CCL15: variants seen among roughly 807,000 people sequenced by gnomAD.
CCL15 encodes C-C motif chemokine ligand 15.
Under a neutral mutation model 10.6 loss-of-function variants are expected in CCL15, and 8 were observed. The ratio of observed to expected loss-of-function variants is 0.75; its 90% confidence interval spans 0.44 to 1.36. The LOEUF is 1.36. Ranked by LOEUF, CCL15 falls within the 40% of genes most tolerant of loss-of-function variation. CCL15 has a pLI of 0.00. For missense variants in CCL15, 128 were observed against 136.6 expected, an observed-to-expected ratio of 0.94 and a Z score of 0.32; for synonymous variants, 51 against 48.8, an observed-to-expected ratio of 1.04 and a Z score of -0.19.
At chr17:35,998,732 C>T (rs952658690) in intron 2 of CCL15, 134 bp downstream of exon 2, 7 of 766,720 alleles carry the variant, frequency 9.1e-6, no homozygotes, top group Non-Finnish European at 1.6e-5. Context: ...CTGTCCTGAT[C>T]TCCCTTGGAG....
At chr17:35,999,055 G>A (rs1461248427) in intron 1 of CCL15, 130 bp from the exon 2 acceptor site, 6 of 743,950 alleles carry the variant, frequency 8.1e-6, no homozygotes, top group Non-Finnish European at 1.4e-5. Flanking sequence ...CCACCTGTCT[G>A]GGTTCTAGGC....
chr17:35,998,243 T>C (rs552069948), intron 3 of CCL15, 37 bp downstream of exon 3: 15 of 1,418,802 alleles, frequency 1.1e-5, no homozygotes, highest in Middle Eastern at 1.9e-4. Flanking sequence ...GTGGGCTGCT[T>C]CTTCCCCAAC....
Position 35,998,391 on chromosome 17 carries a change from C to G in CCL15, c.137G>C (p.Ser46Thr). 1 of 1,609,012 alleles carries G rather than the reference C, an allele frequency of 6.2e-7. No individual in the cohort carries two copies. The highest frequency in any genetic ancestry group is 8.5e-7 in the Non-Finnish European group (1 of 1,175,638). The change falls in exon 3 of 4, where the codon AGC becomes ACC. Residue 46 changes from serine (S) to threonine (T), a missense_variant and splice_region_variant. By Grantham distance (58) the Ser-to-Thr change is moderately conservative. Coordinates refer to ENST00000617897, the MANE Select transcript of CCL15 (RefSeq NM_032965.6). ...LPLENPVVLNSFHFAADCCTS... is the reference protein window; with the variant it reads ...LPLENPVVLNTFHFAADCCTS... Reference sequence around the variant, plus strand: ...GCAGCAGTCAGCAGCAAAGTGAAAGCCTGCAGCAAGAGAAAGCGTCATCTG... The same window carrying G: ...GCAGCAGTCAGCAGCAAAGTGAAAGGCTGCAGCAAGAGAAAGCGTCATCTG...
At chr17:36,001,277 G>T in intron 1 of CCL15, 140 bp downstream of exon 1, 1 of 1,095,900 alleles carries the variant, frequency 9.1e-7, no homozygotes, top group Non-Finnish European at 1.3e-6. Context: ...TGCAGACAGA[G>T]CCAGGTCTAT....
intron 1 of CCL15, among the ~76,000 whole-genome samples, chr17:35,999,877 C>T (rs1290341398): frequency 2.0e-5 from 3 of 150,624 alleles, no homozygotes; most frequent in African/African-American, 4.9e-5. Flanking sequence ...TGCAGCCAGG[C>T]GTGGTGGCTC....
At chr17:35,999,181 C>T (rs936834269) in intron 1 of CCL15, among the ~76,000 whole-genome samples, 1 of 152,182 alleles carries the variant, frequency 6.6e-6, no homozygotes, top group Non-Finnish European at 1.5e-5. Context: ...CTGAACCTCA[C>T]ACGGTTCAGT....
In CCL15 at chr17:35,998,333, T is replaced by C; in HGVS notation, c.195A>G (p.Ser65=). The part of the protein sequence containing the change: ...TSYISQSIPC[S]LMKSYFETSS... ...TCGTTTCAAAATAACTTTTCATGAG[T>C]GAACACGGGATGCTTTGTGAGATGT... is the stretch of plus-strand genomic sequence containing the variant. The change falls in exon 3 of 4, where the codon TCA becomes TCG. Residue 65 remains serine, a synonymous_variant. Coordinates refer to ENST00000617897, the MANE Select transcript of CCL15 (RefSeq NM_032965.6). 6.2e-7 allele frequency: 1 copy of C among 1,614,150 alleles called. No homozygotes were observed. The highest frequency in any genetic ancestry group is 8.5e-7 in the Non-Finnish European group (1 of 1,180,004).
chr17:36,000,404 A>T (rs894421149), intron 1 of CCL15, among the ~76,000 whole-genome samples: 62 of 146,888 alleles, frequency 4.2e-4, no homozygotes, highest in African/African-American at 1.5e-3. Context: ...CAGAGCTTTC[A>T]GTGATCCGAG....
At chr17:35,998,807 A>G (rs926977813) in intron 2 of CCL15, 59 bp downstream of exon 2, 3 of 1,282,852 alleles carry the variant, frequency 2.3e-6, no homozygotes, top group African/African-American at 2.9e-5. Context: ...AATGGATCCC[A>G]TAGTGCAGAC....
chr17:35,998,257 T>G, intron 3 of CCL15, 23 bp downstream of exon 3: 2 of 1,499,268 alleles, frequency 1.3e-6, no homozygotes, highest in Non-Finnish European at 1.9e-6. Context: ...CCCCAACACA[T>G]GGTTGGTGAG....
chr17:35,998,057 C>T (rs891394736), intron 3 of CCL15, among the ~76,000 whole-genome samples, 197 bp from the exon 4 acceptor site: 1 of 152,218 alleles, frequency 6.6e-6, no homozygotes, highest in Non-Finnish European at 1.5e-5. Flanking sequence ...TGGAAGTGTC[C>T]TTGGGAAGCC....
At chr17:36,000,190 G>A (rs1266212289) in intron 1 of CCL15, among the ~76,000 whole-genome samples, 1 of 149,370 alleles carries the variant, frequency 6.7e-6, no homozygotes, top group Non-Finnish European at 1.5e-5. Flanking sequence ...GGCCAGGCGC[G>A]GTGGCTCACA....
At chr17:35,999,036 G>GAGGCAGAGAGGCTCT (rs1194169365) in intron 1 of CCL15, 111 bp from the exon 2 acceptor site, 14 of 850,676 alleles carry the variant, frequency 1.6e-5, no homozygotes, top group African/African-American at 1.5e-4. Context: ...CTCTGAAGCT[G>GAGGCAGAGAGGCTCT]GACCACCACC....
chr17:36,000,591 T>C (rs977547552), intron 1 of CCL15, among the ~76,000 whole-genome samples: 1 of 152,000 alleles, frequency 6.6e-6, no homozygotes, highest in Non-Finnish European at 1.5e-5. Flanking sequence ...TGAGCCCATA[T>C]GCCCATCCAC....
chr17:35,999,056 G>A (rs889744944), intron 1 of CCL15, 131 bp from the exon 2 acceptor site: 7 of 736,504 alleles, frequency 9.5e-6, no homozygotes, highest in Admixed American at 6.2e-5. Context: ...CACCTGTCTG[G>A]GTTCTAGGCC....
intron 2 of CCL15, among the ~76,000 whole-genome samples, chr17:35,998,661 C>G (rs1339244132): frequency 6.6e-6 from 1 of 152,238 alleles, no homozygotes; most frequent in Non-Finnish European, 1.5e-5. Context: ...TCCAAAGGAG[C>G]AGGCTCTTGG....
At position 35,998,436 on chromosome 17, in the gene CCL15, G is replaced by A. The variant is rs766223771; in HGVS notation, c.137-45C>T. ...CATCTGAGGGCAAATCTTTCTCCTC[G>A]AAAGCACAGTGGAGGGTGAGAAGGC... On this transcript the variant is annotated intron_variant, in intron 2 of 3. Coordinates refer to ENST00000617897, the MANE Select transcript of CCL15 (RefSeq NM_032965.6). 18 of 1,337,646 alleles carry A rather than the reference G, an allele frequency of 1.3e-5. No homozygotes were observed. In the East Asian group the frequency reaches 1.9e-4, roughly 14 times the overall value. 82.9% of individuals were successfully genotyped at this position (1,337,646 alleles called of 1,614,324 possible).
rs113877735 is a variant in CCL15 at position 35,998,869 on chromosome 17, T to C, written c.133A>G (p.Asn45Asp). 5.0e-6 allele frequency: 8 copies of C among 1,613,066 alleles called. No homozygotes were observed. Among genetic ancestry groups the C allele is most frequent in the African/African-American group, 2.7e-5 (2 of 75,046 alleles). Residue 45 changes from asparagine to aspartate, a missense_variant, in exon 2 of 4, where the codon AAC (asparagine) becomes GAC (aspartate). By Grantham distance (23) the Asn-to-Asp change is conservative (BLOSUM62 1). Transcript: ENST00000617897. Reference protein sequence around the residue: ...KLPLENPVVLNSFHFAADCCT... With the variant: ...KLPLENPVVLDSFHFAADCCT... ...TATGCCGTATCTGATCACTTACTGT[T>C]CAGAACTACTGGATTTTCCAGTGGA...
At chr17:35,999,729 G>A (rs2089967251) in intron 1 of CCL15, among the ~76,000 whole-genome samples, 1 of 152,194 alleles carries the variant, frequency 6.6e-6, no homozygotes, top group South Asian at 2.1e-4. Flanking sequence ...CTCCCAAAGT[G>A]CTGGGATTAT....
Sources: gnomAD v4.1 joint callset for allele counts (sites outside exome capture counted in the v4.1 genomes callset) on GRCh38, gnomAD v4.1.1 for gene constraint, MANE v1.5 for transcripts, NCBI Gene and HGNC (gene_info 2026-07-23, HGNC 2026-07-21) for gene names.